SAXO1: variants seen among roughly 807,000 people sequenced by gnomAD.
SAXO1 encodes 4930500O09Rik.
In SAXO1, 21 loss-of-function variants were observed where a neutral mutation model predicts 17.5. The observed-to-expected ratio is 1.20, with a 90% CI of 0.85 to 1.72. The LOEUF (loss-of-function observed/expected upper bound fraction) is 1.72. Ranked by LOEUF, SAXO1 falls within the 40% of genes most tolerant of loss-of-function variation. The pLI, the probability that SAXO1 is intolerant of heterozygous loss-of-function variation, is 0.00. For synonymous variants in SAXO1, 274 were observed against 216.5 expected, an observed-to-expected ratio of 1.27 and a Z score of -2.33; for missense variants, 843 against 596.0, an observed-to-expected ratio of 1.41 and a Z score of -4.32.
intron 1 of SAXO1, among the ~76,000 whole-genome samples, chr9:19,002,730 G>A (rs148555328): frequency 0.016 from 2,491 of 152,266 alleles, 71 homozygotes; most frequent in African/African-American, 0.057. Flanking sequence ...ACTAGGTACT[G>A]ATGGAATGTA....
At chr9:18,932,039 G>A (rs1831075590) in intron 3 of SAXO1, among the ~76,000 whole-genome samples, 1 of 152,058 alleles carries the variant, frequency 6.6e-6, no homozygotes, top group Non-Finnish European at 1.5e-5. Flanking sequence ...GTCTTTCTAA[G>A]TGCCCAAAGG....
Position 19,049,328 on chromosome 9 carries a change from C to G in SAXO1, c.-277G>C. Reference sequence around the variant, plus strand: ...TCATTAGAGCAGCGGCTTTTCAAGGCTCGTCGGGCACGGAGGGCGGAGCGA... The same window carrying G: ...TCATTAGAGCAGCGGCTTTTCAAGGGTCGTCGGGCACGGAGGGCGGAGCGA... On this transcript the variant is annotated 5_prime_UTR_variant, in exon 1 of 4. Transcript: ENST00000542071. The surrounding 1 kb of genome is among the most constrained non-coding windows in gnomAD (Gnocchi z 5.4). The G allele has an allele frequency of 4.1e-6, 1 of 244,590 alleles. No individual in the cohort carries two copies. The highest frequency in any genetic ancestry group is 1.1e-4 in the East Asian group (1 of 9,300). The allele number at this position is 244,590 out of a possible 1,614,324, so 15.2% of individuals were successfully genotyped here.
chr9:18,961,674 T>C (rs902317420), intron 1 of SAXO1, among the ~76,000 whole-genome samples: 1 of 152,196 alleles, frequency 6.6e-6, no homozygotes, highest in Non-Finnish European at 1.5e-5. Context: ...AACTCGTACT[T>C]TTTTATGGCT....
chr9:19,012,603 A>G (rs1834795441), intron 1 of SAXO1, among the ~76,000 whole-genome samples: 1 of 152,240 alleles, frequency 6.6e-6, no homozygotes. Context: ...GGCCTGGCAG[A>G]GGGGCTCAAC....
chr9:18,974,748 A>G (rs551249095), intron 1 of SAXO1, among the ~76,000 whole-genome samples: 3 of 152,222 alleles, frequency 2.0e-5, no homozygotes, highest in Non-Finnish European at 4.4e-5. Flanking sequence ...GCTCTTTCTT[A>G]TAGAATGCCA....
intron 1 of SAXO1, among the ~76,000 whole-genome samples, chr9:18,969,680 C>T (rs1409504559): frequency 6.6e-6 from 1 of 152,168 alleles, no homozygotes; most frequent in Non-Finnish European, 1.5e-5. Context: ...AAGCACAATG[C>T]CTGGAACATC....
intron 1 of SAXO1, among the ~76,000 whole-genome samples, chr9:19,015,568 T>G (rs1397102809): frequency 6.6e-6 from 1 of 151,616 alleles, no homozygotes; most frequent in African/African-American, 2.4e-5. Context: ...GGTCTCAAAC[T>G]CCTAACCTCG....
At chr9:18,973,475 A>G (rs1286568238) in intron 1 of SAXO1, among the ~76,000 whole-genome samples, 3 of 152,224 alleles carry the variant, frequency 2.0e-5, no homozygotes, top group Non-Finnish European at 4.4e-5. Flanking sequence ...GTTGCCTTGT[A>G]TTATCTCTAG....
intron 1 of SAXO1, among the ~76,000 whole-genome samples, chr9:18,953,093 C>G (rs907728265): frequency 6.6e-6 from 1 of 152,170 alleles, no homozygotes; most frequent in African/African-American, 2.4e-5. Context: ...TTTAGGATTC[C>G]GACAAACCTC....
intron 1 of SAXO1, among the ~76,000 whole-genome samples, chr9:19,023,531 G>C (rs1835337441): frequency 6.6e-6 from 1 of 152,170 alleles, no homozygotes; most frequent in African/African-American, 2.4e-5. Flanking sequence ...GGAGCAGAAA[G>C]GCTGGGATTT....
At chr9:19,026,093 TAGA>T (rs35120590) in intron 1 of SAXO1, among the ~76,000 whole-genome samples, 15,817 of 152,156 alleles carry the variant, frequency 0.1, 886 homozygotes, top group Non-Finnish European at 0.12. Context: ...TCAAAATAGC[TAGA>T]AGATTATTTG....
chr9:19,040,226 T>G (rs1204703656), intron 1 of SAXO1, among the ~76,000 whole-genome samples: 2 of 152,154 alleles, frequency 1.3e-5, no homozygotes, highest in Admixed American at 6.5e-5. Context: ...TTTCAAAAAT[T>G]TTTGTTAAGA....
At chr9:18,988,534 C>CA (rs1212951034) in intron 1 of SAXO1, among the ~76,000 whole-genome samples, 1 of 152,136 alleles carries the variant, frequency 6.6e-6, no homozygotes, top group African/African-American at 2.4e-5. Context: ...ATCTGTATGG[C>CA]ATTCTACAGT....
intron 1 of SAXO1, among the ~76,000 whole-genome samples, chr9:18,963,523 G>A (rs571156265): frequency 1.3e-5 from 2 of 152,224 alleles, no homozygotes; most frequent in South Asian, 4.1e-4. Flanking sequence ...CATATCCTTT[G>A]TAAGTTGTAT....
At chr9:19,018,786 G>A (rs1282308259) in intron 1 of SAXO1, among the ~76,000 whole-genome samples, 3 of 152,196 alleles carry the variant, frequency 2.0e-5, no homozygotes, top group Non-Finnish European at 4.4e-5. Context: ...GTCTGGGTAT[G>A]TGCTTTATAT....
intron 1 of SAXO1, 146 bp downstream of exon 1, chr9:19,032,725 G>C: frequency 3.6e-6 from 3 of 839,488 alleles, no homozygotes; most frequent in South Asian, 1.8e-5. Context: ...CACAACGCTA[G>C]TTGACACAAT....
chr9:19,027,478 G>A (rs1835539093), intron 1 of SAXO1: 1 of 798,314 alleles, frequency 1.3e-6, no homozygotes. Flanking sequence ...GGAGAAGTTT[G>A]AGAACTTGCG....
At chr9:19,012,863 C>T (rs891939157) in intron 1 of SAXO1, among the ~76,000 whole-genome samples, 1 of 152,224 alleles carries the variant, frequency 6.6e-6, no homozygotes, top group South Asian at 2.1e-4. Context: ...AAGGGAGGCG[C>T]TGCGGAGCTC....
intron 1 of SAXO1, among the ~76,000 whole-genome samples, chr9:18,990,216 T>G (rs1833762913): frequency 6.6e-6 from 1 of 151,638 alleles, no homozygotes; most frequent in Non-Finnish European, 1.5e-5. Context: ...ACACCCTACT[T>G]CCTATAGCCT....
Sources: allele counts gnomAD v4.1 joint callset (sites outside exome capture counted in the v4.1 genomes callset), GRCh38; gene constraint gnomAD v4.1.1; non-coding constraint Gnocchi (gnomAD v3.1); transcripts MANE v1.5; gene names NCBI Gene and HGNC (gene_info 2026-07-23, HGNC 2026-07-21).